SH3BP5: variants seen among roughly 807,000 people sequenced by gnomAD.
The protein encoded by SH3BP5 is SH3 domain binding protein 5.
A neutral mutation model predicts 43.3 loss-of-function variants in SH3BP5; 22 were observed. The observed-to-expected ratio is 0.51, with a 90% CI of 0.36 to 0.73. The LOEUF (loss-of-function observed/expected upper bound fraction) is 0.73. Ranked by LOEUF, SH3BP5 falls within the 30% of genes least tolerant of loss-of-function variation. The pLI is 0.00. For missense variants in SH3BP5, 529 were observed against 586.9 expected, an observed-to-expected ratio of 0.90 and a Z score of 1.02; for synonymous variants, 255 against 225.8, an observed-to-expected ratio of 1.13 and a Z score of -1.16.
At position 15,269,723 on chromosome 3, in the gene SH3BP5, G is replaced by A; in HGVS notation, c.485C>T (p.Ala162Val). 4 of 1,599,102 alleles carry A rather than the reference G, an allele frequency of 2.5e-6. No homozygotes were observed. Among genetic ancestry groups the A allele is most frequent in the Non-Finnish European group, 3.4e-6 (4 of 1,171,140 alleles). ...DSAWQEMLNH[A>V]TQRVMEAEQT... is the part of the protein sequence containing the mutation. ...GGCCATGACTCATACCCTCTGAGTG[G>A]CGTGATTCAGCATCTCCTGCCAGGC... The change falls in exon 4 of 9, where the codon GCC (alanine) becomes GTC (valine). Residue 162 changes from alanine to valine, a missense_variant. Transcript: ENST00000383791.
At chr3:15,289,445 A>G (rs1032049881) in intron 3 of SH3BP5, among the ~76,000 whole-genome samples, 1 of 152,216 alleles carries the variant, frequency 6.6e-6, no homozygotes, top group Admixed American at 6.5e-5. Flanking sequence ...GGTGACGTGG[A>G]AGATTGGACT....
intron 3 of SH3BP5, among the ~76,000 whole-genome samples, chr3:15,295,884 C>T (rs549699810): frequency 3.3e-5 from 5 of 152,322 alleles, no homozygotes; most frequent in Admixed American, 6.5e-5. Flanking sequence ...AGTCACATCA[C>T]CCAGAGTCAG....
At chr3:15,293,747 C>G (rs1175847435) in intron 3 of SH3BP5, among the ~76,000 whole-genome samples, 4 of 152,148 alleles carry the variant, frequency 2.6e-5, no homozygotes. Context: ...AGTCCCCAAG[C>G]CTCAGTGATT....
chr3:15,257,346 C>T lies in SH3BP5; in HGVS notation c.890-233G>A, dbSNP rs550274250. ...TGGATATTAAGCGCCCTTCCAATAA[C>T]CTTATAACCCTGCCAAGAAATCAGT... On this transcript the variant is annotated intron_variant, in intron 7 of 8. Transcript: ENST00000383791. The T allele has an allele frequency of 7.1e-4, 348 of 492,192 alleles. 2 individuals carry two copies. Among genetic ancestry groups the T allele is most frequent in the African/African-American group, 5.1e-3 (264 of 52,114 alleles). The allele number at this position is 492,192 out of a possible 1,614,324, so 30.5% of individuals were successfully genotyped here. A position where few individuals can be genotyped will look rare whatever the true frequency, so the allele number is the denominator to read the frequency against.
intron 4 of SH3BP5, 56 bp downstream of exon 4, chr3:15,269,656 GA>G (rs1437352783): frequency 1.4e-6 from 2 of 1,480,222 alleles, no homozygotes. Flanking sequence ...CCGCTCAGGG[GA>G]AGCCAGCGCG....
upstream of SH3BP5, among the ~76,000 whole-genome samples, chr3:15,332,926 G>T (rs1698653558): frequency 6.6e-6 from 1 of 152,182 alleles, no homozygotes; most frequent in Admixed American, 6.5e-5. Flanking sequence ...AGTGACCCTG[G>T]CCCTCAGGAC....
At chr3:15,340,194 A>G (rs1361529794) in intron 1 of SH3BP5, among the ~76,000 whole-genome samples, 1 of 152,214 alleles carries the variant, frequency 6.6e-6, no homozygotes, top group Non-Finnish European at 1.5e-5. Flanking sequence ...ACTTAAATAA[A>G]TCCACTTATA....
At chr3:15,287,626 T>C (rs933689126) in intron 3 of SH3BP5, among the ~76,000 whole-genome samples, 2 of 152,228 alleles carry the variant, frequency 1.3e-5, no homozygotes, top group Non-Finnish European at 2.9e-5. Context: ...TTAATTTACA[T>C]TTAAGCAGCT....
chr3:15,292,007 G>A (rs918607971), intron 3 of SH3BP5, among the ~76,000 whole-genome samples: 5 of 152,120 alleles, frequency 3.3e-5, no homozygotes, highest in East Asian at 1.9e-4. Flanking sequence ...CCCAAACCTC[G>A]TCACCAGGCA....
chr3:15,324,528 G>C (rs975910231), intron 2 of SH3BP5, among the ~76,000 whole-genome samples: 1 of 152,168 alleles, frequency 6.6e-6, no homozygotes, highest in African/African-American at 2.4e-5. Context: ...AGCTTAGACC[G>C]GGCAGCCTGC....
At chr3:15,300,409 C>T (rs887458465) in intron 3 of SH3BP5, among the ~76,000 whole-genome samples, 4 of 151,822 alleles carry the variant, frequency 2.6e-5, no homozygotes, top group Non-Finnish European at 5.9e-5. Flanking sequence ...CCTCCTGACT[C>T]AAACTAGAAG....
intron 2 of SH3BP5, among the ~76,000 whole-genome samples, chr3:15,312,156 G>A (rs774328340): frequency 1.9e-4 from 29 of 152,312 alleles, no homozygotes; most frequent in Non-Finnish European, 1.3e-4. Flanking sequence ...GTTCAGTAGA[G>A]TTTTCCAGAA....
At chr3:15,310,115 T>C (rs1188904755) in intron 2 of SH3BP5, among the ~76,000 whole-genome samples, 1 of 152,184 alleles carries the variant, frequency 6.6e-6, no homozygotes, top group Non-Finnish European at 1.5e-5. Flanking sequence ...GCCACAGTCA[T>C]ACTCCTAGCC....
intron 3 of SH3BP5, among the ~76,000 whole-genome samples, chr3:15,283,985 G>C (rs1215843300): frequency 6.6e-6 from 1 of 152,218 alleles, no homozygotes; most frequent in Non-Finnish European, 1.5e-5. Flanking sequence ...CAAGGTCACA[G>C]GGCTAGAAAG....
upstream of SH3BP5, among the ~76,000 whole-genome samples, chr3:15,334,311 C>T (rs1409140377): frequency 6.6e-6 from 1 of 152,020 alleles, no homozygotes; most frequent in Admixed American, 6.6e-5. Context: ...ATAAATAAAC[C>T]ACAGGCAGTA....
At chr3:15,308,029 A>T (rs957914675) in intron 2 of SH3BP5, among the ~76,000 whole-genome samples, 4 of 151,314 alleles carry the variant, frequency 2.6e-5, no homozygotes, top group African/African-American at 9.8e-5. Flanking sequence ...CAAACTTTTC[A>T]TTTAAAGAAA....
chr3:15,258,701 C>T (rs1696315347), intron 7 of SH3BP5, 130 bp downstream of exon 7: 1 of 699,272 alleles, frequency 1.4e-6, no homozygotes, highest in Non-Finnish European at 2.4e-6. Flanking sequence ...CATGGGAACC[C>T]ACCAGAAATA....
chr3:15,303,652 T>G (rs943004337), intron 3 of SH3BP5, among the ~76,000 whole-genome samples: 1 of 144,960 alleles, frequency 6.9e-6, no homozygotes, highest in Non-Finnish European at 1.5e-5. Context: ...CAGAATCCGC[T>G]AAGGAGTGTA....
intron 3 of SH3BP5, among the ~76,000 whole-genome samples, chr3:15,296,694 CTTTTT>C (rs370273754): frequency 8.0e-6 from 1 of 124,964 alleles, no homozygotes; most frequent in African/African-American, 3.5e-5. Context: ...AGTGTTTTTC[CTTTTT>C]TTTTTTTTTT....
Sources: gnomAD v4.1 joint callset for allele counts (sites outside exome capture counted in the v4.1 genomes callset) on GRCh38, gnomAD v4.1.1 for gene constraint, MANE v1.5 for transcripts, NCBI Gene and HGNC (gene_info 2026-07-23, HGNC 2026-07-21) for gene names.